The following SMARCC1 variants were observed in gnomAD, a reference collection of about 807,000 sequenced individuals.
SMARCC1 encodes SWI/SNF related BAF chromatin remodeling complex subunit C1.
A neutral mutation model predicts 147.4 loss-of-function variants in SMARCC1; 43 were observed. The observed-to-expected ratio is 0.29, with a 90% CI of 0.23 to 0.38. SMARCC1 has a LOEUF of 0.38. SMARCC1 is among the 10% of genes least tolerant of loss of function. The pLI is 1.00. For missense variants in SMARCC1, 1,119 were observed against 1,381.1 expected (o/e 0.81, Z 3.01); for synonymous variants, 495 against 484.4 (o/e 1.02, Z -0.29).
chr3:47,657,062 C>T (rs2033272105), intron 21 of SMARCC1, among the ~76,000 whole-genome samples: 1 of 152,140 alleles, frequency 6.6e-6, no homozygotes, highest in Non-Finnish European at 1.5e-5. Flanking sequence ...AGGTTCAATA[C>T]ATCAAAAAGA....
At chr3:47,724,962 G>A (rs368625567) in intron 6 of SMARCC1, among the ~76,000 whole-genome samples, 4 of 126,386 alleles carry the variant, frequency 3.2e-5, no homozygotes, top group African/African-American at 3.0e-5. Context: ...GGGGTGGGAG[G>A]ACAAGGCTAC....
chr3:47,675,086 TC>T (rs1576407450), intron 18 of SMARCC1, among the ~76,000 whole-genome samples: 1 of 152,138 alleles, frequency 6.6e-6, no homozygotes, highest in African/African-American at 2.4e-5. Flanking sequence ...TCCTGGCCCC[TC>T]CCTACCTCAA....
intron 11 of SMARCC1, among the ~76,000 whole-genome samples, chr3:47,697,958 A>C (rs1274246017): frequency 7.6e-6 from 1 of 131,660 alleles, no homozygotes; most frequent in African/African-American, 2.8e-5. Context: ...CAGTGAGTCG[A>C]GATCGCGCCA....
chr3:47,676,788 G>A lies in SMARCC1; in HGVS notation c.1572-6C>T. The A allele has an allele frequency of 1.9e-6, 3 of 1,611,588 alleles. No homozygotes were observed. Among genetic ancestry groups the A allele is most frequent in the Non-Finnish European group, 2.5e-6 (3 of 1,179,262 alleles). ...GCTCTAAAAAGGCATGGACCCTAAA[G>A]AATAAAGCTCGGAAAGTTAAAATCT... On this transcript the variant is annotated splice_polypyrimidine_tract_variant and splice_region_variant and intron_variant, in intron 16 of 27. Coordinates refer to ENST00000254480, the MANE Select transcript of SMARCC1 (RefSeq NM_003074.4).
intron 26 of SMARCC1, among the ~76,000 whole-genome samples, chr3:47,593,981 A>G (rs1252634005): frequency 6.6e-6 from 1 of 152,172 alleles, no homozygotes; most frequent in African/African-American, 2.4e-5. Flanking sequence ...CCTGACCAAC[A>G]TGGTGAAACC....
chr3:47,647,182 T>C (rs939927831), intron 21 of SMARCC1, among the ~76,000 whole-genome samples: 5 of 152,222 alleles, frequency 3.3e-5, no homozygotes, highest in Non-Finnish European at 7.3e-5. Flanking sequence ...TCTTGATTTA[T>C]ATTACAGATG....
intron 4 of SMARCC1, among the ~76,000 whole-genome samples, chr3:47,736,563 C>G (rs908470155): frequency 1.3e-5 from 2 of 151,892 alleles, no homozygotes; most frequent in Non-Finnish European, 2.9e-5. Context: ...GTAGTCCCAG[C>G]TACTCGGGAG....
chr3:47,675,617 G>C, intron 17 of SMARCC1, 29 bp from the exon 18 acceptor site: 1 of 1,209,788 alleles, frequency 8.3e-7, no homozygotes, highest in Non-Finnish European at 1.2e-6. Context: ...AAATGGCTGA[G>C]TTAGCCTCTT....
At chr3:47,667,234 T>C (rs7622877) in intron 19 of SMARCC1, among the ~76,000 whole-genome samples, 134,618 of 151,524 alleles carry the variant, frequency 0.89, 61,855 homozygotes, top group Non-Finnish European at 1. Flanking sequence ...AGGAGAATAG[T>C]GTGAACCCGG....
At chr3:47,636,792 G>A (rs1380159144) in intron 22 of SMARCC1, among the ~76,000 whole-genome samples, 425 of 24,800 alleles carry the variant, frequency 0.017, 1 homozygote, top group African/African-American at 0.044. Context: ...ATATATATGT[G>A]TGTGTGTGTG....
intron 3 of SMARCC1, among the ~76,000 whole-genome samples, chr3:47,744,034 C>A (rs2034538658): frequency 6.6e-6 from 1 of 152,154 alleles, no homozygotes; most frequent in Admixed American, 6.6e-5. Flanking sequence ...AGTACAGAGA[C>A]ATGCCGTTGC....
chr3:47,633,813 C>CAT (rs2032932376), intron 24 of SMARCC1, among the ~76,000 whole-genome samples: 2 of 131,530 alleles, frequency 1.5e-5, no homozygotes, highest in African/African-American at 5.5e-5. Flanking sequence ...CACACACACA[C>CAT]ACACATATAT....
At chr3:47,653,331 T>C (rs2033218423) in intron 21 of SMARCC1, among the ~76,000 whole-genome samples, 1 of 152,200 alleles carries the variant, frequency 6.6e-6, no homozygotes, top group African/African-American at 2.4e-5. Context: ...GTTAGATAGG[T>C]TAATGACAGG....
At chr3:47,677,064 A>C (rs551287815) in intron 16 of SMARCC1, among the ~76,000 whole-genome samples, 5 of 152,248 alleles carry the variant, frequency 3.3e-5, no homozygotes, top group Admixed American at 2.6e-4. Context: ...ATGGTAATAA[A>C]AGAACTCACA....
chr3:47,653,488 T>G (rs1043255098), intron 21 of SMARCC1, among the ~76,000 whole-genome samples: 4 of 152,182 alleles, frequency 2.6e-5, no homozygotes, highest in Non-Finnish European at 5.9e-5. Context: ...AAGTACACTA[T>G]TATCTTGCTA....
At chr3:47,623,393 A>G (rs1342171007) in intron 24 of SMARCC1, among the ~76,000 whole-genome samples, 2 of 152,150 alleles carry the variant, frequency 1.3e-5, no homozygotes, top group African/African-American at 2.4e-5. Context: ...CAACCATGCA[A>G]CTTAATACAG....
At chr3:47,666,314 C>T (rs1002540381) in intron 19 of SMARCC1, among the ~76,000 whole-genome samples, 1 of 152,176 alleles carries the variant, frequency 6.6e-6, no homozygotes, top group Non-Finnish European at 1.5e-5. Flanking sequence ...CTCTGTACAG[C>T]TCTTGTGCTC....
At chr3:47,751,291 C>T (rs1190385111) in intron 2 of SMARCC1, among the ~76,000 whole-genome samples, 1 of 151,970 alleles carries the variant, frequency 6.6e-6, no homozygotes, top group South Asian at 2.1e-4. Flanking sequence ...GCCTATAATC[C>T]CAACACTTTG....
At chr3:47,636,786 ATATGTGTGTGTGTGTGTGTGTGTGTG>A (rs1309665305) in intron 22 of SMARCC1, among the ~76,000 whole-genome samples, 14 of 141,026 alleles carry the variant, frequency 9.9e-5, no homozygotes, top group South Asian at 7.2e-4. Context: ...CAAAATATAT[ATATGTGTGTGTGTGTGTGTGTGTGTG>A]TGTGTGTGTG....
Sources: allele counts gnomAD v4.1 joint callset (sites outside exome capture counted in the v4.1 genomes callset), GRCh38; gene constraint gnomAD v4.1.1; transcripts MANE v1.5; gene names NCBI Gene and HGNC (gene_info 2026-07-23, HGNC 2026-07-21).